FIGN: variants seen among roughly 807,000 people sequenced by gnomAD.
The protein encoded by FIGN is fidgetin.
In FIGN, 11 loss-of-function variants were observed where a neutral mutation model predicts 51.3. That is an observed-to-expected ratio of 0.21 (90% confidence interval 0.13 to 0.35). FIGN has a LOEUF of 0.35. Among genes scored for constraint, FIGN ranks in the 10% least tolerant of loss-of-function variants. FIGN has a pLI of 1.00. For missense variants in FIGN, 857 were observed against 943.6 expected (o/e 0.91, Z 1.20); for synonymous variants, 407 against 363.2 (o/e 1.12, Z -1.37).
At chr2:163,711,122 T>C (rs886671484) in intron 2 of FIGN, among the ~76,000 whole-genome samples, 6 of 152,190 alleles carry the variant, frequency 3.9e-5, no homozygotes, top group Admixed American at 1.3e-4. Flanking sequence ...TTCCCTGTAT[T>C]AGAAGACGCT....
chr2:163,668,482 G>C (rs990690781), intron 2 of FIGN, among the ~76,000 whole-genome samples: 1 of 152,198 alleles, frequency 6.6e-6, no homozygotes, highest in African/African-American at 2.4e-5. Context: ...ACAGTGAGTG[G>C]TGAGCTGGAT....
intron 2 of FIGN, among the ~76,000 whole-genome samples, chr2:163,678,070 T>C (rs1035280885): frequency 2.0e-5 from 3 of 152,230 alleles, no homozygotes; most frequent in African/African-American, 7.2e-5. Flanking sequence ...TATGGTGCAT[T>C]AGCACAACCA....
chr2:163,682,688 T>C (rs1469222648), intron 2 of FIGN, among the ~76,000 whole-genome samples: 1 of 152,244 alleles, frequency 6.6e-6, no homozygotes, highest in African/African-American at 2.4e-5. Flanking sequence ...GCATTCTTGT[T>C]ACAGTAACAA....
rs1411772591 is a variant in FIGN, at chr2:163,604,921, A to C, written c.*4631T>G. The C allele has an allele frequency of 1.2e-4, 18 of 145,714 alleles. No individual in the cohort carries two copies. The highest frequency in any genetic ancestry group is 1.5e-5 in the Non-Finnish European group (1 of 66,766). 9.0% of individuals were successfully genotyped at this position (145,714 alleles called of 1,614,324 possible). ...ATATTAGAGGGAGAGTTTTAAGCCC[A>C]GAAATAAACTTTTGCTTTTTTTTTT... On this transcript the variant is annotated 3_prime_UTR_variant, in exon 3 of 3. Transcript: ENST00000333129.
At chr2:163,637,733 A>C (rs1298517892) in intron 2 of FIGN, among the ~76,000 whole-genome samples, 1 of 152,160 alleles carries the variant, frequency 6.6e-6, no homozygotes, top group Non-Finnish European at 1.5e-5. Context: ...TAAGGCTTTA[A>C]AATTTTTATT....
At chr2:163,685,911 A>G (rs1008182186) in intron 2 of FIGN, among the ~76,000 whole-genome samples, 2 of 152,242 alleles carry the variant, frequency 1.3e-5, no homozygotes, top group Non-Finnish European at 2.9e-5. Context: ...ACATATCATG[A>G]AAACATCTGA....
chr2:163,657,480 A>T (rs531838638), intron 2 of FIGN, among the ~76,000 whole-genome samples: 1 of 149,406 alleles, frequency 6.7e-6, no homozygotes, highest in Non-Finnish European at 1.5e-5. Context: ...TGTGTCAAAC[A>T]TCAGAATGTC....
chr2:163,714,084 C>T (rs995051055), intron 2 of FIGN, among the ~76,000 whole-genome samples: 1 of 152,130 alleles, frequency 6.6e-6, no homozygotes, highest in African/African-American at 2.4e-5. Flanking sequence ...TCTCAAGCTC[C>T]ATTTTCCAAT....
intron 2 of FIGN, among the ~76,000 whole-genome samples, chr2:163,716,262 T>A (rs1684667174): frequency 6.6e-6 from 1 of 152,234 alleles, no homozygotes; most frequent in Non-Finnish European, 1.5e-5. Context: ...CAAGTCCAGA[T>A]TAAAAGCATT....
At chr2:163,704,656 T>A (rs1372722970) in intron 2 of FIGN, among the ~76,000 whole-genome samples, 81 of 129,790 alleles carry the variant, frequency 6.2e-4, no homozygotes, top group African/African-American at 2.4e-3. Flanking sequence ...TCTCTCTCTC[T>A]CACACACACA....
chr2:163,617,446 AATTC>A (rs1682899405), intron 2 of FIGN, among the ~76,000 whole-genome samples: 1 of 152,240 alleles, frequency 6.6e-6, no homozygotes, highest in South Asian at 2.1e-4. Context: ...TCACAGTCTA[AATTC>A]TCCAAAATTA....
chr2:163,711,666 A>AAG (rs1424824222), intron 2 of FIGN, among the ~76,000 whole-genome samples: 1 of 151,702 alleles, frequency 6.6e-6, no homozygotes, highest in Non-Finnish European at 1.5e-5. Flanking sequence ...ACAAAAAAAA[A>AAG]AAAAAAACTA....
chr2:163,631,480 G>A (rs1051996223), intron 2 of FIGN, among the ~76,000 whole-genome samples: 55 of 151,922 alleles, frequency 3.6e-4, no homozygotes, highest in Admixed American at 3.0e-3. Flanking sequence ...TCAGGTTAAC[G>A]TACCCTACTC....
intron 2 of FIGN, among the ~76,000 whole-genome samples, chr2:163,682,348 G>A (rs1684078555): frequency 6.6e-6 from 1 of 152,092 alleles, no homozygotes; most frequent in African/African-American, 2.4e-5. Context: ...CTATTAGCAG[G>A]AGCATAAAAT....
At chr2:163,695,067 G>A (rs557339747) in intron 2 of FIGN, among the ~76,000 whole-genome samples, 1 of 137,872 alleles carries the variant, frequency 7.3e-6, no homozygotes, top group Non-Finnish European at 1.6e-5. Context: ...TTTTGAGCTC[G>A]GTGTCTCTGT....
At chr2:163,657,184 C>CA (rs2105324903) in intron 2 of FIGN, among the ~76,000 whole-genome samples, 1 of 151,038 alleles carries the variant, frequency 6.6e-6, no homozygotes, top group South Asian at 2.1e-4. Context: ...AGGGAAGGAC[C>CA]AAAAAGAAAT....
chr2:163,694,300 T>C (rs1419984208), intron 2 of FIGN, among the ~76,000 whole-genome samples: 1 of 152,202 alleles, frequency 6.6e-6, no homozygotes, highest in African/African-American at 2.4e-5. Context: ...GTATGCTCTA[T>C]GGAACACTGG....
At chr2:163,729,802 C>T (rs969063930) in intron 2 of FIGN, among the ~76,000 whole-genome samples, 1 of 152,100 alleles carries the variant, frequency 6.6e-6, no homozygotes, top group Non-Finnish European at 1.5e-5. Flanking sequence ...AACATAAATA[C>T]ATCTAAATTG....
At chr2:163,620,767 A>T (rs982616466) in intron 2 of FIGN, among the ~76,000 whole-genome samples, 1 of 151,994 alleles carries the variant, frequency 6.6e-6, no homozygotes, top group Non-Finnish European at 1.5e-5. Flanking sequence ...ACCTTGAATT[A>T]TGACATGGCT....
Sources: allele counts gnomAD v4.1 joint callset (sites outside exome capture counted in the v4.1 genomes callset), GRCh38; gene constraint gnomAD v4.1.1; transcripts MANE v1.5; gene names NCBI Gene and HGNC (gene_info 2026-07-23, HGNC 2026-07-21).